Variants in ADAMTSL1 observed in about 807,000 individuals in gnomAD.
The protein encoded by ADAMTSL1 is ADAMTS like 1, also known as ADAMTS-like protein 1.
ADAMTSL1 carries 126 observed loss-of-function variants against 201.8 expected under a neutral mutation model. That is an observed-to-expected ratio of 0.62 (90% CI 0.54 to 0.72). The LOEUF (loss-of-function observed/expected upper bound fraction) is 0.72. ADAMTSL1 is among the 30% of genes least tolerant of loss of function. The probability of loss-of-function intolerance (pLI) is 0.00; values close to 1 mark genes in which losing one functional copy is unlikely to be tolerated. For missense variants in ADAMTSL1, 2,679 were observed against 2,277.8 expected (o/e 1.18, Z -3.59); for synonymous variants, 1,121 against 903.4 (o/e 1.24, Z -4.32).
chr9:18,784,231 G>A (rs1821570079), intron 19 of ADAMTSL1, among the ~76,000 whole-genome samples: 1 of 152,118 alleles, frequency 6.6e-6, no homozygotes, highest in East Asian at 1.9e-4. Flanking sequence ...AGTACCCTAT[G>A]CATAATACTC....
At position 18,827,464 on chromosome 9, in the gene ADAMTSL1, C is replaced by T. The variant is rs78683328; in HGVS notation, c.4114+1001C>T. On this transcript the variant is annotated intron_variant, in intron 22 of 28. Transcript: ENST00000380548. ...TTTCAGAGAGGCCCAAACGGGTTTT[C>T]ATCTCACTGGTGGCTGCATAAACCT... 5.2e-3 allele frequency among the ~76,000 whole-genome samples: 797 copies of T among 152,168 alleles called. 7 individuals carry two copies. Among genetic ancestry groups the T allele is most frequent in the African/African-American group, 0.018 (748 of 41,516 alleles).
chr9:18,399,327 A>ATATT (rs1554672331), intron 2 of ADAMTSL1, among the ~76,000 whole-genome samples: 18 of 113,070 alleles, frequency 1.6e-4, no homozygotes, highest in African/African-American at 6.1e-4. Context: ...ATATATATAT[A>ATATT]TAAAATTATT....
chr9:17,915,551 C>T (rs749758813), intron 1 of ADAMTSL1, among the ~76,000 whole-genome samples: 18 of 152,080 alleles, frequency 1.2e-4, no homozygotes, highest in East Asian at 5.8e-4. Flanking sequence ...TGTATGAACA[C>T]GTTGTTTAAT....
At chr9:18,297,990 A>G (rs970947045) in intron 2 of ADAMTSL1, among the ~76,000 whole-genome samples, 4 of 152,208 alleles carry the variant, frequency 2.6e-5, no homozygotes, top group South Asian at 2.1e-4. Context: ...CTTTAACATG[A>G]GATGATAAAG....
chr9:18,864,482 T>C (rs10124708), intron 23 of ADAMTSL1, among the ~76,000 whole-genome samples: 3,716 of 152,286 alleles, frequency 0.024, 163 homozygotes, highest in African/African-American at 0.082. Flanking sequence ...TTTCAGACCT[T>C]TGAATCAACA....
intron 13 of ADAMTSL1, among the ~76,000 whole-genome samples, chr9:18,701,743 TA>T (rs1831936577): frequency 6.6e-6 from 1 of 152,190 alleles, no homozygotes; most frequent in Admixed American, 6.5e-5. Context: ...TTTGCATTTT[TA>T]AATTAGGGCA....
intron 1 of ADAMTSL1, among the ~76,000 whole-genome samples, chr9:18,482,827 A>T (rs1821796474): frequency 6.6e-6 from 1 of 152,220 alleles, no homozygotes. Flanking sequence ...AGGTGTGCTT[A>T]AGTGAGATTT....
chr9:18,222,265 C>A (rs1830287165), intron 2 of ADAMTSL1, among the ~76,000 whole-genome samples: 1 of 151,730 alleles, frequency 6.6e-6, no homozygotes, highest in Non-Finnish European at 1.5e-5. Context: ...CAAAACTGGT[C>A]AATTTGTATA....
intron 2 of ADAMTSL1, among the ~76,000 whole-genome samples, chr9:18,526,937 T>C (rs1393138709): frequency 3.3e-5 from 5 of 152,148 alleles, no homozygotes; most frequent in Non-Finnish European, 7.3e-5. Context: ...TGGCTTTATG[T>C]CTTTTCTCTT....
chr9:18,365,191 T>C (rs909152382), intron 2 of ADAMTSL1, among the ~76,000 whole-genome samples: 1 of 152,038 alleles, frequency 6.6e-6, no homozygotes, highest in Non-Finnish European at 1.5e-5. Flanking sequence ...GATAAGCAAA[T>C]TGTAGCATGT....
intron 1 of ADAMTSL1, among the ~76,000 whole-genome samples, chr9:17,934,120 A>G (rs572095095): frequency 1.3e-5 from 2 of 152,264 alleles, no homozygotes; most frequent in African/African-American, 4.8e-5. Context: ...ACTGAGGACA[A>G]GGCACTATCA....
intron 23 of ADAMTSL1, among the ~76,000 whole-genome samples, chr9:18,856,884 G>A (rs10963804): frequency 0.094 from 14,330 of 152,200 alleles, 912 homozygotes; most frequent in Middle Eastern, 0.21. Context: ...CAGAGCAAAA[G>A]CTGGTTGGAG....
intron 2 of ADAMTSL1, among the ~76,000 whole-genome samples, chr9:18,352,094 T>C (rs184828327): frequency 1.2e-4 from 18 of 152,258 alleles, no homozygotes; most frequent in Non-Finnish European, 2.1e-4. Context: ...GTTCAAAATA[T>C]ATAAAATAGA....
At chr9:18,016,967 G>T (rs969371222) in intron 1 of ADAMTSL1, among the ~76,000 whole-genome samples, 1 of 151,958 alleles carries the variant, frequency 6.6e-6, no homozygotes, top group African/African-American at 2.4e-5. Context: ...CTAGTTGGAT[G>T]GCAGATACCT....
intron 19 of ADAMTSL1, among the ~76,000 whole-genome samples, chr9:18,785,059 G>A (rs1198269485): frequency 6.6e-6 from 1 of 152,120 alleles, no homozygotes; most frequent in Non-Finnish European, 1.5e-5. Flanking sequence ...AGCTACTTGG[G>A]AGGCTGAGAC....
At chr9:18,331,038 T>C (rs1835008025) in intron 2 of ADAMTSL1, among the ~76,000 whole-genome samples, 1 of 152,134 alleles carries the variant, frequency 6.6e-6, no homozygotes, top group East Asian at 1.9e-4. Flanking sequence ...AGGGCATATT[T>C]CACGTGTAGG....
intron 23 of ADAMTSL1, among the ~76,000 whole-genome samples, chr9:18,859,927 T>G (rs1827104394): frequency 6.6e-6 from 1 of 152,176 alleles, no homozygotes; most frequent in Admixed American, 6.5e-5. Context: ...GAGATTTTAG[T>G]GCACCCATCA....
At chr9:18,444,862 T>C (rs1279397606) in intron 2 of ADAMTSL1, among the ~76,000 whole-genome samples, 2 of 152,150 alleles carry the variant, frequency 1.3e-5, no homozygotes, top group African/African-American at 4.8e-5. Flanking sequence ...AGACTAATAA[T>C]ATCAGCAACA....
chr9:18,503,481 G>C (rs1822956763), intron 1 of ADAMTSL1, among the ~76,000 whole-genome samples: 1 of 139,724 alleles, frequency 7.2e-6, no homozygotes. Flanking sequence ...ATGGACATTT[G>C]GGTTATTTCC....
Sources: gnomAD v4.1 joint callset for allele counts (sites outside exome capture counted in the v4.1 genomes callset) on GRCh38, gnomAD v4.1.1 for gene constraint, MANE v1.5 for transcripts, NCBI Gene and HGNC (gene_info 2026-07-23, HGNC 2026-07-21) for gene names.